Variants in GLYATL1 observed in about 807,000 individuals in gnomAD.
GLYATL1 encodes the protein glycine-N-acyltransferase like 1, also known as glycine N-acyltransferase-like protein 1.
Under a neutral mutation model 20.0 loss-of-function variants are expected in GLYATL1, and 15 were observed. That is an observed-to-expected ratio of 0.75 (90% CI 0.50 to 1.15). The LOEUF (loss-of-function observed/expected upper bound fraction) is 1.15, where lower values mean the gene tolerates loss of function less well. Among genes scored for constraint, GLYATL1 ranks in the 50% most tolerant of loss-of-function variants. GLYATL1 has a pLI of 0.00. For missense variants in GLYATL1, 380 were observed against 368.5 expected (o/e 1.03, Z -0.26); for synonymous variants, 151 against 131.5 (o/e 1.15, Z -1.01).
chr11:58,917,579 C>A (rs1855205095), intron 1 of GLYATL1, among the ~76,000 whole-genome samples: 1 of 152,174 alleles, frequency 6.6e-6, no homozygotes, highest in Admixed American at 6.5e-5. Flanking sequence ...TGGCTGTTAT[C>A]CAGGCTTGCT....
In GLYATL1 at chr11:58,939,504, G is replaced by A. The variant is rs530040674; in HGVS notation, c.-313G>A. 4 of 152,402 alleles carry A rather than the reference G, an allele frequency of 2.6e-5. No homozygotes were observed. The highest frequency in any genetic ancestry group is 9.6e-5 in the African/African-American group (4 of 41,558). The allele number at this position is 152,402 out of a possible 1,614,324, so 9.4% of individuals were successfully genotyped here. A position where few individuals can be genotyped will look rare whatever the true frequency, so the allele number is the denominator to read the frequency against. On this transcript the variant is annotated 5_prime_UTR_variant, in exon 1 of 7. Transcript: ENST00000532726. Reference sequence around the variant, plus strand: ...ACTTTGGCTCAGTTGCCATGGGCCAGGAGTCTCACAGAACTACTAAGCAGC... The same window carrying A: ...ACTTTGGCTCAGTTGCCATGGGCCAAGAGTCTCACAGAACTACTAAGCAGC...
intron 4 of GLYATL1, among the ~76,000 whole-genome samples, chr11:58,948,499 G>T (rs192263304): frequency 6.6e-6 from 1 of 152,110 alleles, no homozygotes; most frequent in African/African-American, 2.4e-5. Flanking sequence ...AATTAGCAGG[G>T]CATGGTGGTG....
At chr11:58,921,950 A>G (rs946692227) in intron 1 of GLYATL1, among the ~76,000 whole-genome samples, 2 of 152,196 alleles carry the variant, frequency 1.3e-5, no homozygotes, top group African/African-American at 2.4e-5. Context: ...AATGCCTCAC[A>G]GAGTCATAAA....
intron 1 of GLYATL1, among the ~76,000 whole-genome samples, chr11:58,929,511 T>C (rs749742762): frequency 6.6e-6 from 1 of 152,230 alleles, no homozygotes; most frequent in Non-Finnish European, 1.5e-5. Context: ...TTTTTTGTAA[T>C]GTTTCACCCG....
downstream of GLYATL1, among the ~76,000 whole-genome samples, chr11:58,910,113 C>T (rs1855003649): frequency 6.6e-6 from 1 of 151,672 alleles, no homozygotes; most frequent in South Asian, 2.1e-4. Flanking sequence ...TGAGAGGGCA[C>T]TTACAGATAT....
At chr11:58,937,436 G>A (rs556055836), upstream of GLYATL1, among the ~76,000 whole-genome samples, 3 of 152,124 alleles carry the variant, frequency 2.0e-5, no homozygotes, top group South Asian at 2.1e-4. Context: ...CTTCTGGAGA[G>A]AAAAAAATTC....
chr11:58,955,248 G>T lies in GLYATL1; in HGVS notation c.386G>T (p.Arg129Ile), dbSNP rs777943545. 1.9e-6 allele frequency: 3 copies of T among 1,614,126 alleles called. No homozygotes were observed. The highest frequency in any genetic ancestry group is 2.5e-6 in the Non-Finnish European group (3 of 1,179,968). ...FSKSVKVEHS[R>I]ALLLVTEDIL... ...AAGTCAGTGAAAGTAGAGCATTCGA[G>T]AGCACTCCTCTTGGTTACGGAAGAT... Residue 129 changes from arginine (R) to isoleucine (I), a missense_variant, in exon 6 of 7, where the codon AGA becomes ATA. Coordinates refer to ENST00000532726, the MANE Select transcript of GLYATL1 (RefSeq NM_001389712.2).
intron 4 of GLYATL1, among the ~76,000 whole-genome samples, chr11:58,949,466 A>C (rs181282499): frequency 6.6e-6 from 1 of 152,202 alleles, no homozygotes; most frequent in African/African-American, 2.4e-5. Context: ...CAATGGTCCA[A>C]TTTCTTCAAA....
downstream of GLYATL1, among the ~76,000 whole-genome samples, chr11:58,912,638 C>T (rs1369637673): frequency 2.6e-5 from 4 of 152,150 alleles, no homozygotes; most frequent in Admixed American, 6.5e-5. Flanking sequence ...GACAGTCTGC[C>T]AGGTACTTTA....
intron 5 of GLYATL1, 46 bp from the exon 6 acceptor site, chr11:58,955,130 G>C: frequency 6.4e-7 from 1 of 1,565,894 alleles, no homozygotes; most frequent in Non-Finnish European, 8.7e-7. Context: ...AGTGTAAGTA[G>C]AGAACTCCAT....
At chr11:58,921,411 C>T (rs939360748) in intron 1 of GLYATL1, among the ~76,000 whole-genome samples, 36 of 152,106 alleles carry the variant, frequency 2.4e-4, no homozygotes, top group African/African-American at 8.5e-4. Context: ...AGAAGGAGCC[C>T]GGTCTGTCTG....
At chr11:58,917,884 G>A (rs1461550691) in intron 1 of GLYATL1, among the ~76,000 whole-genome samples, 1 of 152,154 alleles carries the variant, frequency 6.6e-6, no homozygotes, top group Non-Finnish European at 1.5e-5. Context: ...CTTCACCTGG[G>A]TCCAGGTTTT....
At chr11:58,924,258 A>G (rs1175797867), upstream of GLYATL1, among the ~76,000 whole-genome samples, 1 of 152,242 alleles carries the variant, frequency 6.6e-6, no homozygotes, top group South Asian at 2.1e-4. Context: ...CTCAGGTACC[A>G]TGGTTTAAAG....
intron 1 of GLYATL1, chr11:58,943,180 G>C (rs1320739582): frequency 2.4e-6 from 3 of 1,276,408 alleles, no homozygotes; most frequent in Non-Finnish European, 3.1e-6. Flanking sequence ...TGGGTAAACT[G>C]TAACGTAGCT....
chr11:58,912,547 T>A (rs1855070836), downstream of GLYATL1, among the ~76,000 whole-genome samples: 1 of 152,200 alleles, frequency 6.6e-6, no homozygotes, highest in Admixed American at 6.5e-5. Flanking sequence ...CATGTCTCCA[T>A]CGGAGACCCC....
At chr11:58,909,708 G>T (rs987875825), downstream of GLYATL1, among the ~76,000 whole-genome samples, 3 of 152,188 alleles carry the variant, frequency 2.0e-5, no homozygotes, top group Non-Finnish European at 4.4e-5. Context: ...GGCAAATAAT[G>T]CTTTCTAGAC....
rs768755491 is a variant in GLYATL1, at chr11:58,956,359, A to G, written c.*332A>G. ...TGCAACTTGGTTAATAGAATCTACT[A>G]TCTGGAAGATAAATGAAGGATTTTA... is the stretch of plus-strand genomic sequence containing the variant. On this transcript the variant is annotated 3_prime_UTR_variant, in exon 7 of 7. Transcript: ENST00000532726. 1.1e-5 allele frequency: 3 copies of G among 269,492 alleles called. No individual in the cohort carries two copies. Among genetic ancestry groups the G allele is most frequent in the South Asian group, 1.0e-4 (1 of 10,038 alleles). The allele number at this position is 269,492 out of a possible 1,614,324, so 16.7% of individuals were successfully genotyped here.
chr11:58,922,712 C>A (rs956824142), upstream of GLYATL1, among the ~76,000 whole-genome samples: 1 of 152,132 alleles, frequency 6.6e-6, no homozygotes, highest in African/African-American at 2.4e-5. Flanking sequence ...CCTTCCTATG[C>A]CGTTGATTTT....
intron 1 of GLYATL1, among the ~76,000 whole-genome samples, chr11:58,919,773 CT>C (rs1855264375): frequency 6.6e-6 from 1 of 152,198 alleles, no homozygotes; most frequent in African/African-American, 2.4e-5. Flanking sequence ...GAGGGTTGTT[CT>C]CGGCACAAGT....
Sources: allele counts gnomAD v4.1 joint callset (sites outside exome capture counted in the v4.1 genomes callset), GRCh38; gene constraint gnomAD v4.1.1; transcripts MANE v1.5; gene names NCBI Gene and HGNC (gene_info 2026-07-23, HGNC 2026-07-21).